Variants in RTTN observed in about 807,000 individuals in gnomAD.
The protein encoded by RTTN is rotatin.
A neutral mutation model predicts 269.2 loss-of-function variants in RTTN; 182 were observed. The ratio of observed to expected loss-of-function variants is 0.68; its 90% CI spans 0.60 to 0.76. RTTN has a LOEUF of 0.76. RTTN is among the 30% of genes least tolerant of loss of function. The pLI, the probability that RTTN is intolerant of heterozygous loss-of-function variation, is 0.00. For missense variants in RTTN, 2,545 were observed against 2,608.6 expected (o/e 0.98, Z 0.53); for synonymous variants, 1,006 against 963.5 (o/e 1.04, Z -0.82).
chr18:70,024,674 A>C (rs779732698), intron 44 of RTTN, 48 bp downstream of exon 44: 27 of 1,502,506 alleles, frequency 1.8e-5, no homozygotes, highest in Admixed American at 7.1e-5. Flanking sequence ...ACATTTATAA[A>C]ACTAGTATTT....
At chr18:70,087,714 T>C (rs2058737567) in intron 31 of RTTN, among the ~76,000 whole-genome samples, 1 of 152,194 alleles carries the variant, frequency 6.6e-6, no homozygotes. Flanking sequence ...AATATAAAAG[T>C]AATTTTTCCT....
At chr18:70,023,243 A>G (rs927611468) in intron 44 of RTTN, among the ~76,000 whole-genome samples, 12 of 152,222 alleles carry the variant, frequency 7.9e-5, no homozygotes, top group African/African-American at 2.9e-4. Context: ...CACCCAGATT[A>G]GCCACGCCCA....
At chr18:70,150,216 T>A (rs1599784033) in intron 15 of RTTN, 129 bp from the exon 16 acceptor site, 2 of 659,438 alleles carry the variant, frequency 3.0e-6, no homozygotes, top group African/African-American at 3.6e-5. Flanking sequence ...CAAATGTTCG[T>A]ACTTCCACAG....
At chr18:70,020,350 T>G (rs2056665960) in intron 45 of RTTN, among the ~76,000 whole-genome samples, 1 of 152,202 alleles carries the variant, frequency 6.6e-6, no homozygotes, top group Admixed American at 6.5e-5. Context: ...AAAACCCTCA[T>G]CTTTGAGAAT....
intron 27 of RTTN, among the ~76,000 whole-genome samples, chr18:70,111,537 A>G (rs1331601843): frequency 6.6e-6 from 1 of 151,250 alleles, no homozygotes; most frequent in Non-Finnish European, 1.5e-5. Flanking sequence ...ACCGAAGGTC[A>G]CCAAGAAAGG....
At chr18:70,162,013 G>A (rs1295884122) in intron 14 of RTTN, among the ~76,000 whole-genome samples, 1 of 152,056 alleles carries the variant, frequency 6.6e-6, no homozygotes, top group Non-Finnish European at 1.5e-5. Flanking sequence ...ACTGGGTATA[G>A]ACCCAAAAAA....
intron 14 of RTTN, among the ~76,000 whole-genome samples, chr18:70,163,069 TA>T (rs10559303): frequency 0.066 from 3,736 of 56,478 alleles, 99 homozygotes; most frequent in African/African-American, 0.19. Flanking sequence ...TTACTATTAT[TA>T]AAAAAAAAAA....
intron 35 of RTTN, among the ~76,000 whole-genome samples, chr18:70,063,779 AT>A (rs1364275066): frequency 1.3e-5 from 2 of 151,896 alleles, no homozygotes; most frequent in Admixed American, 6.6e-5. Flanking sequence ...ATTGATACAT[AT>A]TTTTTCAATT....
At chr18:70,150,224 C>T in intron 15 of RTTN, 137 bp from the exon 16 acceptor site, 2 of 645,302 alleles carry the variant, frequency 3.1e-6, no homozygotes, top group Non-Finnish European at 5.6e-6. Flanking sequence ...CGTACTTCCA[C>T]AGCATCATCT....
chr18:70,004,171 G>A lies in RTTN; in HGVS notation c.6661C>T (p.Gln2221Ter). 6.8e-6 allele frequency: 11 copies of A among 1,613,396 alleles called. No individual in the cohort carries two copies. Among genetic ancestry groups the A allele is most frequent in the Admixed American group, 1.7e-5 (1 of 60,020 alleles). Residue 2221 changes from glutamine to a stop codon, truncating the protein, a stop_gained, in exon 49 of 49, where the codon CAG becomes TAG. Transcript: ENST00000640769. LOFTEE classifies it high-confidence loss of function. ...GGCACTCAGGAAGAATTAAGGAGCT[G>A]CACGAGGTTTTCAAGACATTTCAAA... ...YYLKCLENLVQLLNSS is the reference protein window; with the variant it reads ...YYLKCLENLV
intron 40 of RTTN, among the ~76,000 whole-genome samples, chr18:70,033,920 C>T (rs760603940): frequency 4.0e-5 from 6 of 151,536 alleles, no homozygotes; most frequent in East Asian, 1.9e-4. Context: ...ACATCAGAGA[C>T]GATTATAAAC....
chr18:70,144,818 C>T (rs1249272179), intron 18 of RTTN, among the ~76,000 whole-genome samples: 1 of 152,186 alleles, frequency 6.6e-6, no homozygotes, highest in African/African-American at 2.4e-5. Flanking sequence ...TTACATGTGG[C>T]TCTACCATAC....
At chr18:70,063,661 T>C (rs2058052285) in intron 35 of RTTN, among the ~76,000 whole-genome samples, 1 of 152,240 alleles carries the variant, frequency 6.6e-6, no homozygotes, top group African/African-American at 2.4e-5. Context: ...AAGGGAAATC[T>C]TTCAGTATTC....
intron 28 of RTTN, among the ~76,000 whole-genome samples, chr18:70,104,606 T>C (rs969631030): frequency 2.6e-5 from 4 of 152,194 alleles, no homozygotes; most frequent in African/African-American, 9.7e-5. Context: ...TTCTGCTCTG[T>C]TTTTTCCCCA....
intron 33 of RTTN, 49 bp downstream of exon 33, chr18:70,075,303 T>G: frequency 7.7e-7 from 1 of 1,306,288 alleles, no homozygotes; most frequent in Non-Finnish European, 1.0e-6. Context: ...TTAACAGTTT[T>G]TACAAGTTAC....
intron 46 of RTTN, among the ~76,000 whole-genome samples, chr18:70,016,942 A>C (rs901998393): frequency 1.3e-5 from 2 of 152,154 alleles, no homozygotes; most frequent in African/African-American, 4.8e-5. Flanking sequence ...GATGGCGATA[A>C]TACTACGGAG....
chr18:70,125,522 A>T (rs2059843239), intron 25 of RTTN, among the ~76,000 whole-genome samples: 1 of 152,042 alleles, frequency 6.6e-6, no homozygotes, highest in Non-Finnish European at 1.5e-5. Context: ...ATTTACTGAC[A>T]TGGAAAATGT....
intron 30 of RTTN, among the ~76,000 whole-genome samples, chr18:70,089,710 T>C (rs985022770): frequency 3.9e-5 from 6 of 152,294 alleles, no homozygotes; most frequent in African/African-American, 1.4e-4. Context: ...GCAATCCTTG[T>C]TATAAAGTAG....
chr18:70,081,697 G>T (rs1180673848), intron 32 of RTTN, among the ~76,000 whole-genome samples: 1 of 152,160 alleles, frequency 6.6e-6, no homozygotes, highest in Non-Finnish European at 1.5e-5. Flanking sequence ...AACTATTTCA[G>T]ATGAACGAAA....
Sources: gnomAD v4.1 joint callset for allele counts (sites outside exome capture counted in the v4.1 genomes callset) on GRCh38, gnomAD v4.1.1 for gene constraint, MANE v1.5 for transcripts, NCBI Gene and HGNC (gene_info 2026-07-23, HGNC 2026-07-21) for gene names.